The following PCSK2 variants were observed in gnomAD, a reference collection of about 807,000 sequenced individuals.
PCSK2 encodes the protein proprotein convertase subtilisin/kexin type 2.
PCSK2 carries 14 observed loss-of-function variants against 69.7 expected under a neutral mutation model. The observed-to-expected ratio is 0.20, with a 90% CI of 0.13 to 0.31. PCSK2 has a LOEUF of 0.31. Ranked by LOEUF, PCSK2 falls within the 10% of genes least tolerant of loss-of-function variation. PCSK2 has a pLI of 1.00. For synonymous variants in PCSK2, 307 were observed against 320.7 expected (o/e 0.96, Z 0.46); for missense variants, 544 against 842.5 (o/e 0.65, Z 4.39).
At chr20:17,423,200 A>T (rs1671757407) in intron 6 of PCSK2, among the ~76,000 whole-genome samples, 1 of 152,126 alleles carries the variant, frequency 6.6e-6, no homozygotes, top group Admixed American at 6.5e-5. Flanking sequence ...TTTTAGGGAG[A>T]CATAAGACAT....
intron 2 of PCSK2, among the ~76,000 whole-genome samples, chr20:17,262,450 A>G (rs377228064): frequency 1.5e-5 from 2 of 135,730 alleles, no homozygotes; most frequent in Non-Finnish European, 3.2e-5. Context: ...CAAAAATCTC[A>G]TAATTTTTTT....
rs545141871 is a variant in PCSK2, at chr20:17,249,922, T to C, written c.178-10318T>C. On this transcript the variant is annotated intron_variant, in intron 1 of 11. Transcript: ENST00000262545. ...AAGTTCTGGTAATGGATAATAGTGA[T>C]AGTTGCATAATGTGAGTGTACTTAA... Among the ~76,000 whole-genome samples, 4 of 152,316 alleles carry C rather than the reference T, an allele frequency of 2.6e-5. No homozygotes were observed. In the South Asian group the frequency reaches 6.2e-4, roughly 24 times the overall value.
At chr20:17,392,003 A>G (rs1184832198) in intron 5 of PCSK2, among the ~76,000 whole-genome samples, 1 of 147,314 alleles carries the variant, frequency 6.8e-6, no homozygotes, top group African/African-American at 2.5e-5. Flanking sequence ...AAGGAAGGAA[A>G]GGAAGGAAAG....
chr20:17,449,526 G>GTGTATATATATA (rs1555796488), intron 8 of PCSK2, among the ~76,000 whole-genome samples: 6 of 130,680 alleles, frequency 4.6e-5, no homozygotes, highest in African/African-American at 1.8e-4. Context: ...ATGTATGTAT[G>GTGTATATATATA]TATATATATA....
At position 17,450,017 on chromosome 20, in the gene PCSK2, C is replaced by CT. The variant is rs61156656; in HGVS notation, c.886-3695dup. ...TTTTTAAGTTTGTTGAATTTCTTCC[C>CT]TTTTTTTTTTTTTTTTTTTTTTTTT... On this transcript the variant is annotated intron_variant, in intron 8 of 11. Transcript: ENST00000262545. Among the ~76,000 whole-genome samples, 346 of 61,830 alleles carry CT rather than the reference C, an allele frequency of 5.6e-3. 61 individuals carry two copies. Among genetic ancestry groups the CT allele is most frequent in the East Asian group, 0.018 (35 of 1,898 alleles). 40.6% of individuals were successfully genotyped at this position (61,830 alleles called of 152,430 possible).
intron 11 of PCSK2, among the ~76,000 whole-genome samples, chr20:17,468,964 A>C (rs1299366071): frequency 6.6e-6 from 1 of 152,246 alleles, no homozygotes; most frequent in Non-Finnish European, 1.5e-5. Flanking sequence ...TCCATGATTT[A>C]AGAAGGCCTC....
chr20:17,461,763 G>A (rs2033018175), intron 10 of PCSK2, among the ~76,000 whole-genome samples: 1 of 152,178 alleles, frequency 6.6e-6, no homozygotes, highest in African/African-American at 2.4e-5. Flanking sequence ...TGAGGGAACA[G>A]CCTTGCACAC....
At chr20:17,284,477 G>A (rs1988443494) in intron 2 of PCSK2, among the ~76,000 whole-genome samples, 1 of 152,214 alleles carries the variant, frequency 6.6e-6, no homozygotes, top group South Asian at 2.1e-4. Context: ...AGGGAGAGCA[G>A]ACATGCACAA....
At chr20:17,228,346 T>C (rs1456002260) in intron 1 of PCSK2, 3 of 152,406 alleles carry the variant, frequency 2.0e-5, no homozygotes, top group Non-Finnish European at 4.4e-5. Context: ...CTTTGGAGAC[T>C]CCAGGGTACT....
chr20:17,263,064 G>T (rs1012589124), intron 2 of PCSK2: 1 of 788,484 alleles, frequency 1.3e-6, no homozygotes, highest in African/African-American at 1.9e-5. Context: ...TCGCTTTCAG[G>T]GCTTCATCTA....
chr20:17,441,958 G>T (rs1255893535), intron 8 of PCSK2, among the ~76,000 whole-genome samples: 4 of 149,844 alleles, frequency 2.7e-5, no homozygotes, highest in Non-Finnish European at 5.9e-5. Context: ...TTAAGATGAT[G>T]TCATATTGGA....
At chr20:17,303,460 TATA>T (rs1331548366) in intron 2 of PCSK2, among the ~76,000 whole-genome samples, 6 of 62,526 alleles carry the variant, frequency 9.6e-5, no homozygotes, top group Non-Finnish European at 1.8e-4. Flanking sequence ...TTATATTAAA[TATA>T]ATATATATTA....
chr20:17,302,915 T>G (rs1466219642), intron 2 of PCSK2, among the ~76,000 whole-genome samples: 1 of 152,114 alleles, frequency 6.6e-6, no homozygotes. Flanking sequence ...GAGATATATT[T>G]AATATTACCC....
chr20:17,361,701 G>T (rs890611), intron 4 of PCSK2, among the ~76,000 whole-genome samples: 137,992 of 152,056 alleles, frequency 0.91, 62,763 homozygotes, highest in South Asian at 0.95. Flanking sequence ...GCGTTGTCTT[G>T]TGTGGGCTCA....
chr20:17,352,715 T>C (rs566356933), intron 2 of PCSK2, among the ~76,000 whole-genome samples: 1 of 152,318 alleles, frequency 6.6e-6, no homozygotes, highest in Non-Finnish European at 1.5e-5. Context: ...AGATTGAAGA[T>C]TTGAAAGTAA....
intron 2 of PCSK2, among the ~76,000 whole-genome samples, chr20:17,327,558 C>G (rs369892507): frequency 2.6e-5 from 4 of 152,142 alleles, no homozygotes; most frequent in African/African-American, 7.2e-5. Flanking sequence ...TGCCCCTTCC[C>G]CTCTCCTCCC....
At chr20:17,391,490 T>G (rs2031371818) in intron 5 of PCSK2, among the ~76,000 whole-genome samples, 1 of 152,216 alleles carries the variant, frequency 6.6e-6, no homozygotes, top group South Asian at 2.1e-4. Context: ...AACAGTGTTG[T>G]GCCAATTACT....
chr20:17,394,815 T>A (rs2031473483), intron 5 of PCSK2, among the ~76,000 whole-genome samples: 3 of 152,212 alleles, frequency 2.0e-5, no homozygotes, highest in African/African-American at 7.2e-5. Flanking sequence ...ATAATCACTT[T>A]TCCATAGTTT....
intron 8 of PCSK2, among the ~76,000 whole-genome samples, chr20:17,445,431 A>G (rs1297926735): frequency 6.6e-6 from 1 of 152,248 alleles, no homozygotes; most frequent in Non-Finnish European, 1.5e-5. Flanking sequence ...CAAGGCTACA[A>G]AAATTCTCTA....
Sources: allele counts gnomAD v4.1 joint callset (sites outside exome capture counted in the v4.1 genomes callset), GRCh38; gene constraint gnomAD v4.1.1; transcripts MANE v1.5; gene names NCBI Gene and HGNC (gene_info 2026-07-23, HGNC 2026-07-21).